The following GIPC2 variants were observed in gnomAD, a reference collection of about 807,000 sequenced individuals.
GIPC2 encodes PDZ domain-containing protein GIPC2.
Under a neutral mutation model 30.6 loss-of-function variants are expected in GIPC2, and 30 were observed. That is an observed-to-expected ratio of 0.98 (90% CI 0.73 to 1.33). The LOEUF is 1.33. GIPC2 is among the 40% of genes most tolerant of loss of function. The pLI is 0.00. For synonymous variants in GIPC2, 167 were observed against 150.0 expected, an observed-to-expected ratio of 1.11 and a Z score of -0.83; for missense variants, 414 against 390.3, an observed-to-expected ratio of 1.06 and a Z score of -0.51.
chr1:78,074,267 T>C (rs504388), intron 1 of GIPC2, among the ~76,000 whole-genome samples: 138,166 of 152,206 alleles, frequency 0.91, 62,846 homozygotes, highest in Middle Eastern at 0.93. Context: ...GCTTTGTCAC[T>C]CAGGCTAGAG....
intron 3 of GIPC2, among the ~76,000 whole-genome samples, chr1:78,108,963 G>T (rs1282075194): frequency 2.0e-5 from 3 of 152,158 alleles, no homozygotes; most frequent in East Asian, 3.9e-4. Flanking sequence ...GAGTGATGCT[G>T]GCATTAGCAA....
intron 2 of GIPC2, among the ~76,000 whole-genome samples, chr1:78,086,963 T>C (rs764945602): frequency 1.3e-5 from 2 of 152,216 alleles, no homozygotes; most frequent in Non-Finnish European, 2.9e-5. Flanking sequence ...TATGTGTGGA[T>C]TTGATCCTAT....
chr1:78,128,676 A>G (rs947510044), intron 5 of GIPC2, among the ~76,000 whole-genome samples: 1 of 152,226 alleles, frequency 6.6e-6, no homozygotes, highest in Admixed American at 6.5e-5. Context: ...AGATGTATTT[A>G]TGCTCACATA....
chr1:78,085,897 GT>G (rs35412467), intron 2 of GIPC2, among the ~76,000 whole-genome samples: 334 of 120,298 alleles, frequency 2.8e-3, no homozygotes, highest in African/African-American at 8.3e-3. Flanking sequence ...TCTTTTGAAT[GT>G]TTTTTTTTTT....
At chr1:78,063,469 G>A (rs1391782572) in intron 1 of GIPC2, among the ~76,000 whole-genome samples, 2 of 150,956 alleles carry the variant, frequency 1.3e-5, no homozygotes, top group Non-Finnish European at 2.9e-5. Context: ...TCCAGCCTGG[G>A]CCACAAGAGC....
chr1:78,113,766 G>T (rs79946149), intron 3 of GIPC2, among the ~76,000 whole-genome samples: 2,389 of 151,994 alleles, frequency 0.016, 63 homozygotes, highest in African/African-American at 0.055. Flanking sequence ...TGATCCTCCC[G>T]CCTTGGCCTG....
At chr1:78,045,630 A>G (rs1661052813), upstream of GIPC2, 1 of 985,464 alleles carries the variant, frequency 1.0e-6, no homozygotes, top group African/African-American at 1.7e-5. Context: ...AATGCAGACG[A>G]AGGTTGACTT....
At chr1:78,121,822 GAATAAGCAAATCTC>G (rs1453213893) in intron 4 of GIPC2, among the ~76,000 whole-genome samples, 2 of 152,178 alleles carry the variant, frequency 1.3e-5, no homozygotes, top group Non-Finnish European at 2.9e-5. Flanking sequence ...TTTATTGAAT[GAATAAGCAAATCTC>G]AGTGGAAGAA....
intron 1 of GIPC2, among the ~76,000 whole-genome samples, chr1:78,052,555 G>A (rs1265393645): frequency 6.6e-6 from 1 of 152,070 alleles, no homozygotes; most frequent in East Asian, 1.9e-4. Flanking sequence ...TCTGCTATGA[G>A]GAAAGAGACT....
intron 2 of GIPC2, chr1:78,091,958 TTC>T: frequency 8.9e-7 from 1 of 1,123,040 alleles, no homozygotes; most frequent in Non-Finnish European, 1.4e-6. Context: ...TTTTTGCTTC[TTC>T]TTCGTTTTGA....
At chr1:78,091,905 T>A in intron 2 of GIPC2, 1 of 808,096 alleles carries the variant, frequency 1.2e-6, no homozygotes, top group Non-Finnish European at 2.2e-6. Context: ...GCTACAACAT[T>A]TTCCATTTTC....
intron 5 of GIPC2, among the ~76,000 whole-genome samples, chr1:78,131,347 C>A (rs913107050): frequency 6.6e-6 from 1 of 151,864 alleles, no homozygotes; most frequent in African/African-American, 2.4e-5. Context: ...TAGCTGGGAC[C>A]ACAGGCGCTT....
chr1:78,067,111 C>T (rs1352753737), intron 1 of GIPC2, among the ~76,000 whole-genome samples: 1 of 152,064 alleles, frequency 6.6e-6, no homozygotes, highest in Non-Finnish European at 1.5e-5. Context: ...TGAAGTGTCA[C>T]CTGTTGCTGT....
At chr1:78,104,497 A>G (rs763366895) in intron 3 of GIPC2, among the ~76,000 whole-genome samples, 1 of 152,176 alleles carries the variant, frequency 6.6e-6, no homozygotes, top group Non-Finnish European at 1.5e-5. Flanking sequence ...GTGGCTATAT[A>G]TGACTAGAGG....
intron 3 of GIPC2, among the ~76,000 whole-genome samples, chr1:78,104,555 G>A (rs1173690194): frequency 6.6e-6 from 1 of 152,172 alleles, no homozygotes; most frequent in Admixed American, 6.5e-5. Flanking sequence ...GAAATGATCA[G>A]GACTGGGATT....
At chr1:78,056,505 T>C (rs1052806772) in intron 1 of GIPC2, among the ~76,000 whole-genome samples, 1 of 152,076 alleles carries the variant, frequency 6.6e-6, no homozygotes, top group African/African-American at 2.4e-5. Context: ...ATTACAGAAA[T>C]TTTAAATACA....
intron 1 of GIPC2, among the ~76,000 whole-genome samples, chr1:78,053,260 A>G (rs954076668): frequency 1.3e-5 from 2 of 152,172 alleles, no homozygotes; most frequent in African/African-American, 4.8e-5. Context: ...AGCAGATAAG[A>G]CTGCTCTGAC....
chr1:78,046,720 T>C (rs1310448174), intron 1 of GIPC2, among the ~76,000 whole-genome samples: 1 of 152,150 alleles, frequency 6.6e-6, no homozygotes, highest in Non-Finnish European at 1.5e-5. Context: ...TCATCTGGAC[T>C]TTACTCTCCT....
chr1:78,129,736 C>A (rs1268931571), intron 5 of GIPC2, among the ~76,000 whole-genome samples: 1 of 152,190 alleles, frequency 6.6e-6, no homozygotes, highest in Non-Finnish European at 1.5e-5. Flanking sequence ...TAAGACCTCA[C>A]ATGGTCTTGA....
Sources: allele counts gnomAD v4.1 joint callset (sites outside exome capture counted in the v4.1 genomes callset), GRCh38; gene constraint gnomAD v4.1.1; transcripts MANE v1.5; gene names NCBI Gene and HGNC (gene_info 2026-07-23, HGNC 2026-07-21).